Variants in HACE1 observed in about 807,000 individuals in gnomAD.
The protein encoded by HACE1 is HECT domain and ankyrin repeat containing E3 ubiquitin protein ligase 1.
Under a neutral mutation model 118.4 loss-of-function variants are expected in HACE1, and 73 were observed. The ratio of observed to expected loss-of-function variants is 0.62; its 90% CI spans 0.51 to 0.75. The LOEUF (loss-of-function observed/expected upper bound fraction) is 0.75. Among genes scored for constraint, HACE1 ranks in the 30% least tolerant of loss-of-function variants. HACE1 has a pLI of 0.00. For synonymous variants in HACE1, 368 were observed against 374.8 expected (o/e 0.98, Z 0.21); for missense variants, 749 against 1,102.2 (o/e 0.68, Z 4.54).
intron 1 of HACE1, 111 bp downstream of exon 1, chr6:104,859,456 G>T: frequency 2.3e-6 from 2 of 851,900 alleles, no homozygotes; most frequent in Non-Finnish European, 3.5e-6. Context: ...AAAAGTGGGC[G>T]TTTTCTCAGC....
At chr6:104,767,293 C>T (rs960686573) in intron 19 of HACE1, among the ~76,000 whole-genome samples, 6 of 152,142 alleles carry the variant, frequency 3.9e-5, no homozygotes, top group Non-Finnish European at 7.4e-5. Flanking sequence ...TGGCAGTTAT[C>T]CTTGAGTCCT....
At chr6:104,853,992 T>C (rs1776483638) in intron 1 of HACE1, among the ~76,000 whole-genome samples, 1 of 152,216 alleles carries the variant, frequency 6.6e-6, no homozygotes, top group South Asian at 2.1e-4. Flanking sequence ...TAATAAAAGT[T>C]ATGTGAATGT....
intron 17 of HACE1, 55 bp from the exon 18 acceptor site, chr6:104,772,129 G>T: frequency 1.0e-6 from 1 of 976,446 alleles, no homozygotes; most frequent in Non-Finnish European, 1.6e-6. Flanking sequence ...GCAGAAGAAA[G>T]ATTACTTCGA....
intron 7 of HACE1, among the ~76,000 whole-genome samples, chr6:104,803,529 C>A (rs1321233246): frequency 6.6e-6 from 1 of 152,188 alleles, no homozygotes; most frequent in Non-Finnish European, 1.5e-5. Context: ...ATCAAGTCGG[C>A]TTCATCCCTG....
Position 104,780,567 on chromosome 6 carries a change from T to C in HACE1, c.1567-3250A>G, listed in dbSNP as rs761309328. 118 of 226,070 alleles carry C rather than the reference T, an allele frequency of 5.2e-4. 1 individual carries two copies. The highest frequency in any genetic ancestry group is 9.9e-4 in the Non-Finnish European group (110 of 111,268). 14.0% of individuals were successfully genotyped at this position (226,070 alleles called of 1,614,324 possible). A position where few individuals can be genotyped will look rare whatever the true frequency, so the allele number is the denominator to read the frequency against. ...AGTTACAGAAAACTTCTAAGTACAGTAGAGTACAAAGTATTTTTTTTTCCT... is the reference window on the plus strand; with the variant it reads ...AGTTACAGAAAACTTCTAAGTACAGCAGAGTACAAAGTATTTTTTTTTCCT... On this transcript the variant is annotated intron_variant, in intron 14 of 23. Coordinates refer to ENST00000262903, the MANE Select transcript of HACE1 (RefSeq NM_020771.4).
chr6:104,841,252 T>C (rs1775095754), intron 5 of HACE1, among the ~76,000 whole-genome samples: 1 of 152,180 alleles, frequency 6.6e-6, no homozygotes, highest in South Asian at 2.1e-4. Context: ...ACATGAATAA[T>C]TTTGTTAAAT....
chr6:104,748,320 T>C (rs1562282587), intron 20 of HACE1, among the ~76,000 whole-genome samples: 1 of 152,010 alleles, frequency 6.6e-6, no homozygotes, highest in African/African-American at 2.4e-5. Flanking sequence ...CAAATGGCTA[T>C]AATCATAAAA....
At chr6:104,810,544 T>C (rs1193109414) in intron 7 of HACE1, among the ~76,000 whole-genome samples, 1 of 152,088 alleles carries the variant, frequency 6.6e-6, no homozygotes, top group African/African-American at 2.4e-5. Context: ...TATAACTACA[T>C]TTACATAATA....
At chr6:104,847,857 G>T (rs1398442703) in intron 4 of HACE1, among the ~76,000 whole-genome samples, 2 of 151,576 alleles carry the variant, frequency 1.3e-5, no homozygotes, top group East Asian at 3.9e-4. Flanking sequence ...TCCCTCTGTT[G>T]TCCAGGCTGG....
At chr6:104,851,275 G>A (rs1235045262) in intron 2 of HACE1, among the ~76,000 whole-genome samples, 1 of 152,098 alleles carries the variant, frequency 6.6e-6, no homozygotes, top group African/African-American at 2.4e-5. Context: ...GTAGAGAGGG[G>A]GTTTCACCAA....
At chr6:104,733,236 T>C (rs1775403860) in intron 22 of HACE1, among the ~76,000 whole-genome samples, 1 of 152,200 alleles carries the variant, frequency 6.6e-6, no homozygotes, top group Non-Finnish European at 1.5e-5. Context: ...AATATCAATA[T>C]GATCAATCTA....
chr6:104,816,484 T>C (rs1772130241), intron 6 of HACE1, among the ~76,000 whole-genome samples: 2 of 152,200 alleles, frequency 1.3e-5, no homozygotes, highest in South Asian at 4.1e-4. Context: ...CCACGTGGTG[T>C]TGGGCCTGCA....
chr6:104,818,579 T>TA (rs897838465), intron 6 of HACE1, among the ~76,000 whole-genome samples: 6 of 150,190 alleles, frequency 4.0e-5, no homozygotes, highest in Admixed American at 6.6e-5. Flanking sequence ...AGAGATACAA[T>TA]AAAAAAAAAT....
intron 10 of HACE1, among the ~76,000 whole-genome samples, chr6:104,793,180 T>G (rs1429402033): frequency 6.9e-6 from 1 of 145,698 alleles, no homozygotes; most frequent in African/African-American, 2.6e-5. Context: ...GGCAGGAGGA[T>G]GGCATGAACC....
chr6:104,731,496 T>A (rs1186302458), intron 22 of HACE1: 1 of 151,922 alleles, frequency 6.6e-6, no homozygotes, highest in East Asian at 1.9e-4. Flanking sequence ...ATCAAAACAG[T>A]GTGATACTGC....
At chr6:104,761,190 A>G (rs570799882) in intron 19 of HACE1, among the ~76,000 whole-genome samples, 4 of 152,326 alleles carry the variant, frequency 2.6e-5, no homozygotes, top group African/African-American at 9.6e-5. Flanking sequence ...CAGAAATGGA[A>G]AAAACTAATT....
chr6:104,841,258 T>C (rs1775096373), intron 5 of HACE1, among the ~76,000 whole-genome samples: 1 of 152,204 alleles, frequency 6.6e-6, no homozygotes, highest in Non-Finnish European at 1.5e-5. Context: ...ATAATTTTGT[T>C]AAATAAAAAT....
intron 11 of HACE1, among the ~76,000 whole-genome samples, chr6:104,787,829 C>A (rs1040432743): frequency 6.6e-6 from 1 of 151,796 alleles, no homozygotes; most frequent in South Asian, 2.1e-4. Context: ...ACAAAGATGT[C>A]GAAAAGCCAG....
intron 22 of HACE1, among the ~76,000 whole-genome samples, chr6:104,743,076 A>G (rs1776969471): frequency 6.7e-6 from 1 of 150,362 alleles, no homozygotes; most frequent in Non-Finnish European, 1.5e-5. Flanking sequence ...AAAACCAAAC[A>G]CCGCGTATTC....
Sources: allele counts gnomAD v4.1 joint callset (sites outside exome capture counted in the v4.1 genomes callset), GRCh38; gene constraint gnomAD v4.1.1; transcripts MANE v1.5; gene names NCBI Gene and HGNC (gene_info 2026-07-23, HGNC 2026-07-21).